CADPS2: variants seen among roughly 807,000 people sequenced by gnomAD.
CADPS2 encodes the protein calcium dependent secretion activator 2, also known as calcium-dependent secretion activator 2.
A neutral mutation model predicts 172.5 loss-of-function variants in CADPS2; 93 were observed. That is an observed-to-expected ratio of 0.54 (90% confidence interval 0.46 to 0.64). The LOEUF (loss-of-function observed/expected upper bound fraction) is 0.64, where lower values mean the gene tolerates loss of function less well. CADPS2 is among the 30% of genes least tolerant of loss of function. The pLI is 0.00. For missense variants in CADPS2, 1,420 were observed against 1,565.9 expected (o/e 0.91, Z 1.57); for synonymous variants, 546 against 555.2 (o/e 0.98, Z 0.23).
At chr7:122,722,523 C>CAA (rs2090556710) in intron 2 of CADPS2, among the ~76,000 whole-genome samples, 1 of 151,656 alleles carries the variant, frequency 6.6e-6, no homozygotes, top group African/African-American at 2.4e-5. Context: ...CTACAAACCG[C>CAA]TGCTCAACGA....
chr7:122,485,770 G>A (rs1346143318), intron 11 of CADPS2, among the ~76,000 whole-genome samples: 1 of 152,220 alleles, frequency 6.6e-6, no homozygotes, highest in Non-Finnish European at 1.5e-5. Context: ...GACTTTCGCA[G>A]TTAGAGAGAA....
chr7:122,608,686 A>C (rs2073911052), intron 6 of CADPS2, among the ~76,000 whole-genome samples: 1 of 152,274 alleles, frequency 6.6e-6, no homozygotes, highest in African/African-American at 2.4e-5. Flanking sequence ...TGGGCAGTAG[A>C]GACCCATTAA....
intron 17 of CADPS2, among the ~76,000 whole-genome samples, chr7:122,417,869 G>A (rs3823855): frequency 0.27 from 40,727 of 152,014 alleles, 5,753 homozygotes; most frequent in East Asian, 0.36. Flanking sequence ...AAGAAATACT[G>A]TATGACACAG....
chr7:122,541,724 CATAT>C (rs1491363241), intron 8 of CADPS2, among the ~76,000 whole-genome samples: 1 of 140,700 alleles, frequency 7.1e-6, no homozygotes, highest in African/African-American at 2.6e-5. Flanking sequence ...TACATATATT[CATAT>C]ATATTTATTC....
chr7:122,706,607 A>G (rs528913642), intron 2 of CADPS2, among the ~76,000 whole-genome samples: 1 of 146,752 alleles, frequency 6.8e-6, no homozygotes, highest in East Asian at 2.0e-4. Flanking sequence ...CACACACTTA[A>G]GAGATAGGTT....
intron 6 of CADPS2, among the ~76,000 whole-genome samples, chr7:122,594,950 C>G (rs1033846876): frequency 1.3e-5 from 2 of 151,792 alleles, no homozygotes; most frequent in African/African-American, 4.8e-5. Flanking sequence ...AAAACATGCA[C>G]AAATCCCCCA....
chr7:122,338,238 G>A (rs1007449051), intron 28 of CADPS2, among the ~76,000 whole-genome samples: 4 of 152,048 alleles, frequency 2.6e-5, no homozygotes, highest in Admixed American at 1.3e-4. Flanking sequence ...CTCCACTAAA[G>A]TACAAAACAT....
At chr7:122,402,028 G>GTT (rs907360059) in intron 20 of CADPS2, among the ~76,000 whole-genome samples, 41 of 152,174 alleles carry the variant, frequency 2.7e-4, no homozygotes, top group African/African-American at 9.6e-4. Flanking sequence ...CCAGACAGAT[G>GTT]TTTTTTTATT....
intron 28 of CADPS2, among the ~76,000 whole-genome samples, chr7:122,335,662 T>A (rs1052886163): frequency 2.6e-5 from 4 of 152,182 alleles, no homozygotes; most frequent in African/African-American, 9.7e-5. Flanking sequence ...TTCAGCCACG[T>A]TCAAATACTG....
At chr7:122,381,709 AT>A (rs2043020555) in intron 24 of CADPS2, among the ~76,000 whole-genome samples, 1 of 152,102 alleles carries the variant, frequency 6.6e-6, no homozygotes, top group South Asian at 2.1e-4. Flanking sequence ...GCTTGCTTTG[AT>A]ACCTGATCTA....
At chr7:122,351,528 C>T (rs2151039776) in intron 27 of CADPS2, among the ~76,000 whole-genome samples, 1 of 151,128 alleles carries the variant, frequency 6.6e-6, no homozygotes, top group East Asian at 1.9e-4. Context: ...TGGGAGTAGA[C>T]AATTCTGAAT....
intron 2 of CADPS2, chr7:122,702,859 T>G: frequency 2.6e-6 from 2 of 760,466 alleles, no homozygotes; most frequent in Non-Finnish European, 4.2e-6. Context: ...AGCACATAAA[T>G]GGAAAAGGTC....
At chr7:122,863,103 T>C (rs986208874) in intron 1 of CADPS2, among the ~76,000 whole-genome samples, 17 of 152,176 alleles carry the variant, frequency 1.1e-4, no homozygotes, top group African/African-American at 4.1e-4. Flanking sequence ...CATCCTGTAT[T>C]GATAATACAA....
At chr7:122,385,321 A>G (rs1585485298) in intron 24 of CADPS2, among the ~76,000 whole-genome samples, 1 of 152,216 alleles carries the variant, frequency 6.6e-6, no homozygotes, top group East Asian at 1.9e-4. Flanking sequence ...AATTGCTCAA[A>G]GAATAAAATT....
chr7:122,864,520 G>A (rs1817797725), intron 1 of CADPS2, among the ~76,000 whole-genome samples: 1 of 151,916 alleles, frequency 6.6e-6, no homozygotes, highest in Non-Finnish European at 1.5e-5. Context: ...ATGTCACATG[G>A]CCACTTGTAG....
rs545718002 is a variant in CADPS2, at chr7:122,633,811, TATG to T, written c.787-4486_787-4484del. Among the ~76,000 whole-genome samples, 106 of 152,312 alleles carry T rather than the reference TATG, an allele frequency of 7.0e-4. 1 individual carries two copies. In the South Asian group the frequency reaches 0.021, roughly 30 times the overall value. Reference sequence around the variant, plus strand: ...ATAGTTCCAGCTCTTCTCCATCCAGTATGATATTGGCTGTGAGTTTGTCATAGA... The same window carrying T: ...ATAGTTCCAGCTCTTCTCCATCCAGTATATTGGCTGTGAGTTTGTCATAGA... On this transcript the variant is annotated intron_variant, in intron 3 of 29. Transcript: ENST00000449022.
At chr7:122,425,660 T>C (rs188531983) in intron 17 of CADPS2, among the ~76,000 whole-genome samples, 3 of 152,202 alleles carry the variant, frequency 2.0e-5, no homozygotes, top group Admixed American at 6.5e-5. Context: ...TATATACACA[T>C]ATACACATTC....
At chr7:122,338,362 C>T (rs1350380026) in intron 28 of CADPS2, among the ~76,000 whole-genome samples, 1 of 152,142 alleles carries the variant, frequency 6.6e-6, no homozygotes, top group Non-Finnish European at 1.5e-5. Flanking sequence ...CCACTGCACT[C>T]TAGCTTGGGC....
At chr7:122,538,594 G>A (rs543396335) in intron 8 of CADPS2, among the ~76,000 whole-genome samples, 1 of 151,900 alleles carries the variant, frequency 6.6e-6, no homozygotes, top group African/African-American at 2.4e-5. Flanking sequence ...ATAGTTCAAG[G>A]AGAAAAATAT....
Sources: allele counts gnomAD v4.1 joint callset (sites outside exome capture counted in the v4.1 genomes callset), GRCh38; gene constraint gnomAD v4.1.1; transcripts MANE v1.5; gene names NCBI Gene and HGNC (gene_info 2026-07-23, HGNC 2026-07-21).